The following CACNA2D3 variants were observed in gnomAD, a reference collection of about 807,000 sequenced individuals.
The protein encoded by CACNA2D3 is voltage-dependent calcium channel subunit alpha-2/delta-3.
In CACNA2D3, 60 loss-of-function variants were observed where a neutral mutation model predicts 160.6. The ratio of observed to expected loss-of-function variants is 0.37; its 90% CI spans 0.30 to 0.46. The LOEUF (loss-of-function observed/expected upper bound fraction) is 0.46. Among genes scored for constraint, CACNA2D3 ranks in the 20% least tolerant of loss-of-function variants. The pLI is 1.00. For synonymous variants in CACNA2D3, 558 were observed against 492.9 expected, an observed-to-expected ratio of 1.13 and a Z score of -1.75; for missense variants, 1,205 against 1,365.0, an observed-to-expected ratio of 0.88 and a Z score of 1.85.
intron 11 of CACNA2D3, among the ~76,000 whole-genome samples, chr3:54,649,540 GA>G (rs1265521064): frequency 2.0e-5 from 3 of 152,232 alleles, no homozygotes; most frequent in Admixed American, 6.5e-5. Context: ...CTGGAGGCTG[GA>G]AGTCTGAGAT....
chr3:54,373,889 A>G (rs1167966159), intron 3 of CACNA2D3, among the ~76,000 whole-genome samples: 3 of 152,092 alleles, frequency 2.0e-5, no homozygotes, highest in Admixed American at 6.5e-5. Context: ...CGGTTTCTCA[A>G]TATAGGAATC....
intron 4 of CACNA2D3, among the ~76,000 whole-genome samples, chr3:54,402,960 A>C (rs1442239180): frequency 6.6e-6 from 1 of 152,246 alleles, no homozygotes; most frequent in Non-Finnish European, 1.5e-5. Context: ...TGAAACTACG[A>C]ATCAACAATA....
At position 54,618,390 on chromosome 3, in the gene CACNA2D3, C is replaced by T. The variant is rs1337668992; in HGVS notation, c.964-9397C>T. On this transcript the variant is annotated intron_variant, in intron 9 of 37. Coordinates refer to ENST00000474759, the MANE Select transcript of CACNA2D3 (RefSeq NM_018398.3). ...ATATATATATGCACACACACACACA[C>T]ACACACACACACACACACACACAGT... Among the ~76,000 whole-genome samples, 5 of 148,140 alleles carry T rather than the reference C, an allele frequency of 3.4e-5. No individual in the cohort carries two copies. In the Admixed American group the frequency reaches 3.4e-4, roughly 10 times the overall value.
intron 3 of CACNA2D3, among the ~76,000 whole-genome samples, chr3:54,326,834 G>C (rs1480577369): frequency 6.6e-6 from 1 of 152,126 alleles, no homozygotes; most frequent in East Asian, 1.9e-4. Context: ...CTTGTACTTT[G>C]AAAGAGCAGT....
At chr3:54,898,822 C>A (rs185083116) in intron 26 of CACNA2D3, among the ~76,000 whole-genome samples, 1 of 152,064 alleles carries the variant, frequency 6.6e-6, no homozygotes, top group Non-Finnish European at 1.5e-5. Flanking sequence ...TTACAGATGA[C>A]GTAACATCTT....
chr3:54,781,905 G>A (rs1702544870), intron 13 of CACNA2D3, among the ~76,000 whole-genome samples: 1 of 152,210 alleles, frequency 6.6e-6, no homozygotes, highest in Non-Finnish European at 1.5e-5. Flanking sequence ...AGAGGCCTGA[G>A]TCAGCAGCTG....
intron 9 of CACNA2D3, among the ~76,000 whole-genome samples, chr3:54,621,230 G>GA (rs1023550552): frequency 1.3e-5 from 2 of 151,870 alleles, no homozygotes; most frequent in Admixed American, 6.6e-5. Flanking sequence ...ACATAGACAG[G>GA]AAAAAAAACA....
intron 11 of CACNA2D3, among the ~76,000 whole-genome samples, chr3:54,723,676 G>A (rs574957465): frequency 4.6e-5 from 7 of 152,292 alleles, no homozygotes; most frequent in Non-Finnish European, 7.4e-5. Flanking sequence ...GTGAGGTGAT[G>A]TCCCACTCTG....
chr3:54,319,201 C>CACACA (rs1559448362), intron 2 of CACNA2D3, among the ~76,000 whole-genome samples: 20 of 146,880 alleles, frequency 1.4e-4, no homozygotes, highest in Admixed American at 3.4e-4. Context: ...CACACACACA[C>CACACA]CCTTCCTCGA....
intron 9 of CACNA2D3, among the ~76,000 whole-genome samples, chr3:54,604,250 G>C (rs1703117837): frequency 6.6e-6 from 1 of 152,090 alleles, no homozygotes; most frequent in South Asian, 2.1e-4. Context: ...GGACTTTAGG[G>C]GTATAATGGG....
chr3:54,214,060 G>T (rs1458180691), intron 2 of CACNA2D3, among the ~76,000 whole-genome samples: 1 of 152,148 alleles, frequency 6.6e-6, no homozygotes, highest in Non-Finnish European at 1.5e-5. Flanking sequence ...TATCTTAGTT[G>T]CTGGAGGTCA....
chr3:54,547,269 A>G (rs1702079764), intron 5 of CACNA2D3, among the ~76,000 whole-genome samples: 1 of 152,188 alleles, frequency 6.6e-6, no homozygotes, highest in African/African-American at 2.4e-5. Context: ...CCAGTGGTAT[A>G]GTTCAGGGAG....
chr3:54,332,748 C>T lies in CACNA2D3; in HGVS notation c.321+12190C>T, dbSNP rs545868621. Among the ~76,000 whole-genome samples, 13 of 152,262 alleles carry T rather than the reference C, an allele frequency of 8.5e-5. No individual in the cohort carries two copies. The South Asian group carries it at 2.1e-3, about 24-fold the overall frequency. On this transcript the variant is annotated intron_variant, in intron 3 of 37. Coordinates refer to ENST00000474759, the MANE Select transcript of CACNA2D3 (RefSeq NM_018398.3). ...TGAGCTACCTTCATTCGTCCAAGGC[C>T]TGTGTGTGGGTGGGGAAGCATGCTC... is the stretch of plus-strand genomic sequence containing the variant.
At chr3:54,408,422 T>C (rs539494843) in intron 4 of CACNA2D3, among the ~76,000 whole-genome samples, 1 of 152,274 alleles carries the variant, frequency 6.6e-6, no homozygotes, top group South Asian at 2.1e-4. Context: ...ACTGAAACTT[T>C]AAGGAAGCAG....
chr3:54,694,882 A>G (rs539203560), intron 11 of CACNA2D3, among the ~76,000 whole-genome samples: 9 of 152,358 alleles, frequency 5.9e-5, no homozygotes, highest in African/African-American at 2.2e-4. Context: ...CTCATAGGGA[A>G]TGCATAGTTA....
chr3:54,742,781 A>T (rs1013328433), intron 11 of CACNA2D3, among the ~76,000 whole-genome samples: 1 of 152,238 alleles, frequency 6.6e-6, no homozygotes, highest in Admixed American at 6.5e-5. Flanking sequence ...TAGAATCAAG[A>T]GGCAGGCACC....
At chr3:54,200,550 G>A (rs1701160132) in intron 2 of CACNA2D3, among the ~76,000 whole-genome samples, 1 of 152,180 alleles carries the variant, frequency 6.6e-6, no homozygotes, top group Middle Eastern at 3.2e-3. Context: ...AGAATGCTGA[G>A]CTGATTTTTC....
chr3:54,501,586 A>AT (rs752245060), intron 4 of CACNA2D3, among the ~76,000 whole-genome samples: 1,801 of 143,516 alleles, frequency 0.013, 27 homozygotes, highest in African/African-American at 0.038. Flanking sequence ...TGCCTGACTA[A>AT]TTTTTTTTTT....
chr3:55,061,928 A>T (rs899147050), intron 35 of CACNA2D3, among the ~76,000 whole-genome samples: 15 of 152,074 alleles, frequency 9.9e-5, no homozygotes, highest in Admixed American at 6.5e-4. Context: ...AAAAGAAGGG[A>T]GATTGGATAT....
Sources: gnomAD v4.1 joint callset for allele counts (sites outside exome capture counted in the v4.1 genomes callset) on GRCh38, gnomAD v4.1.1 for gene constraint, MANE v1.5 for transcripts, NCBI Gene and HGNC (gene_info 2026-07-23, HGNC 2026-07-21) for gene names.